Variants in PDSS2 observed in about 807,000 individuals in gnomAD.
The protein encoded by PDSS2 is decaprenyl diphosphate synthase subunit 2, also known as all trans-polyprenyl-diphosphate synthase PDSS2.
Under a neutral mutation model 44.5 loss-of-function variants are expected in PDSS2, and 31 were observed. The ratio of observed to expected loss-of-function variants is 0.70; its 90% confidence interval spans 0.52 to 0.94. The LOEUF (loss-of-function observed/expected upper bound fraction) is 0.94. PDSS2 is among the 40% of genes least tolerant of loss of function. PDSS2 has a pLI of 0.00. For missense variants in PDSS2, 452 were observed against 482.2 expected (o/e 0.94, Z 0.59); for synonymous variants, 157 against 180.3 (o/e 0.87, Z 1.03).
intron 1 of PDSS2, among the ~76,000 whole-genome samples, chr6:107,453,541 T>C (rs1467587438): frequency 6.6e-6 from 1 of 152,206 alleles, no homozygotes; most frequent in Non-Finnish European, 1.5e-5. Context: ...GTTAATCTAT[T>C]TCTGGGTTCT....
chr6:107,318,802 C>T (rs1190851076), intron 2 of PDSS2, among the ~76,000 whole-genome samples: 1 of 152,072 alleles, frequency 6.6e-6, no homozygotes, highest in Non-Finnish European at 1.5e-5. Context: ...GCCTAGGCAA[C>T]ATGGTGAAAC....
intron 2 of PDSS2, among the ~76,000 whole-genome samples, chr6:107,297,612 C>T (rs1776554238): frequency 6.6e-6 from 1 of 151,832 alleles, no homozygotes; most frequent in Admixed American, 6.6e-5. Context: ...GAACTCCTGG[C>T]CTCATGATCC....
chr6:107,415,417 T>C (rs994483679), intron 1 of PDSS2, among the ~76,000 whole-genome samples: 1 of 152,076 alleles, frequency 6.6e-6, no homozygotes, highest in African/African-American at 2.4e-5. Context: ...ATACCAAAAG[T>C]ACTAGTAAGG....
intron 6 of PDSS2, among the ~76,000 whole-genome samples, chr6:107,201,390 C>CAAGA: frequency 1.9e-5 from 1 of 52,150 alleles, no homozygotes; most frequent in African/African-American, 9.8e-5. Context: ...CATACAAAAG[C>CAAGA]AAAAAAAAAA....
At chr6:107,274,836 C>T (rs924638806) in intron 2 of PDSS2, among the ~76,000 whole-genome samples, 3 of 151,990 alleles carry the variant, frequency 2.0e-5, no homozygotes, top group Non-Finnish European at 4.4e-5. Flanking sequence ...CCAAGCCTGG[C>T]TAACTTTTGT....
intron 7 of PDSS2, among the ~76,000 whole-genome samples, chr6:107,191,495 G>A (rs530224896): frequency 1.3e-4 from 20 of 152,288 alleles, no homozygotes; most frequent in African/African-American, 4.8e-4. Flanking sequence ...TGGGATGACA[G>A]TGCTAATCAC....
At chr6:107,421,056 A>G (rs145658507) in intron 1 of PDSS2, among the ~76,000 whole-genome samples, 23 of 152,328 alleles carry the variant, frequency 1.5e-4, no homozygotes, top group Middle Eastern at 3.4e-3. Context: ...CATCTTACCA[A>G]TGAGGATGTA....
intron 2 of PDSS2, among the ~76,000 whole-genome samples, chr6:107,328,273 C>T (rs560350622): frequency 3.3e-5 from 5 of 152,176 alleles, no homozygotes; most frequent in African/African-American, 1.2e-4. Context: ...GGTTATCTAA[C>T]TTGTCTGGGG....
intron 1 of PDSS2, among the ~76,000 whole-genome samples, chr6:107,378,372 T>A (rs1779355589): frequency 6.6e-6 from 1 of 152,060 alleles, no homozygotes; most frequent in South Asian, 2.1e-4. Flanking sequence ...AAATAATCTA[T>A]TAAAACCTGT....
intron 4 of PDSS2, among the ~76,000 whole-genome samples, chr6:107,219,051 T>A (rs535099320): frequency 1.0e-3 from 157 of 150,078 alleles, no homozygotes; most frequent in African/African-American, 3.5e-3. Context: ...AGAGTGAAAC[T>A]CTGTCTCAAA....
intron 7 of PDSS2, among the ~76,000 whole-genome samples, chr6:107,187,516 T>C (rs1772210834): frequency 6.6e-6 from 1 of 152,002 alleles, no homozygotes; most frequent in African/African-American, 2.4e-5. Context: ...AATACAAAAA[T>C]TAGCTGGGTG....
At chr6:107,250,658 A>T (rs1299086664) in intron 3 of PDSS2, among the ~76,000 whole-genome samples, 1 of 152,182 alleles carries the variant, frequency 6.6e-6, no homozygotes, top group Admixed American at 6.6e-5. Context: ...TTTTTGGACT[A>T]GAAAAAATAG....
At position 107,220,688 on chromosome 6, in the gene PDSS2, A is replaced by G. The variant is rs145727282; in HGVS notation, c.703-8406T>C. 1.5e-3 allele frequency among the ~76,000 whole-genome samples: 222 copies of G among 152,258 alleles called. 2 individuals carry two copies. Among genetic ancestry groups the G allele is most frequent in the Non-Finnish European group, 2.4e-3 (164 of 68,008 alleles). On this transcript the variant is annotated intron_variant, in intron 4 of 7. Transcript: ENST00000369037. ...TAAATTATTCAAGTAATACACGATC[A>G]CTGGAAAAAAAATAGAAAATTCAGA...
intron 2 of PDSS2, among the ~76,000 whole-genome samples, chr6:107,298,321 C>G (rs1462610937): frequency 2.0e-5 from 3 of 151,902 alleles, no homozygotes; most frequent in Non-Finnish European, 2.9e-5. Flanking sequence ...CACGAGCAGA[C>G]TTTTTTCCTG....
At chr6:107,402,451 C>CACATATATATCCGTATATATATGTAT (rs1780140792) in intron 1 of PDSS2, among the ~76,000 whole-genome samples, 1 of 8,120 alleles carries the variant, frequency 1.2e-4, no homozygotes, top group Admixed American at 6.9e-4. Context: ...CACACACACA[C>CACATATATATCCGTATATATATGTAT]ACATATATAT....
intron 1 of PDSS2, among the ~76,000 whole-genome samples, chr6:107,454,619 T>C (rs955028856): frequency 2.6e-4 from 40 of 152,136 alleles, no homozygotes; most frequent in African/African-American, 9.2e-4. Flanking sequence ...GATCAGTGAA[T>C]AGCAAATTAT....
intron 5 of PDSS2, among the ~76,000 whole-genome samples, chr6:107,211,143 G>A (rs984620252): frequency 1.3e-5 from 2 of 151,692 alleles, no homozygotes; most frequent in Non-Finnish European, 2.9e-5. Context: ...TTAATAAATA[G>A]AATTGCTTAA....
chr6:107,155,819 C>T (rs1554245501), intron 7 of PDSS2, among the ~76,000 whole-genome samples: 1 of 148,444 alleles, frequency 6.7e-6, no homozygotes, highest in Admixed American at 6.8e-5. Context: ...ACCTCGTGAT[C>T]CCCCTGCCTT....
chr6:107,194,885 C>T (rs1353358397), intron 6 of PDSS2, among the ~76,000 whole-genome samples: 1 of 151,908 alleles, frequency 6.6e-6, no homozygotes, highest in African/African-American at 2.4e-5. Flanking sequence ...ACCCAGGAGG[C>T]GGAGACTGCA....
Sources: allele counts gnomAD v4.1 joint callset (sites outside exome capture counted in the v4.1 genomes callset), GRCh38; gene constraint gnomAD v4.1.1; transcripts MANE v1.5; gene names NCBI Gene and HGNC (gene_info 2026-07-23, HGNC 2026-07-21).